The following SHC3 variants were observed in gnomAD, a reference collection of about 807,000 sequenced individuals.
SHC3 encodes SHC-transforming protein 3.
In SHC3, 15 loss-of-function variants were observed where a neutral mutation model predicts 60.4. The ratio of observed to expected loss-of-function variants is 0.25; its 90% CI spans 0.17 to 0.38. The LOEUF is 0.38. Ranked by LOEUF, SHC3 falls within the 10% of genes least tolerant of loss-of-function variation. The pLI is 1.00. For synonymous variants in SHC3, 294 were observed against 325.9 expected, an observed-to-expected ratio of 0.90 and a Z score of 1.05; for missense variants, 677 against 786.1, an observed-to-expected ratio of 0.86 and a Z score of 1.66.
chr9:89,126,430 T>G (rs1388454825), intron 1 of SHC3, among the ~76,000 whole-genome samples: 1 of 152,204 alleles, frequency 6.6e-6, no homozygotes, highest in Non-Finnish European at 1.5e-5. Context: ...TTAATTAATC[T>G]GCCTTGCACT....
chr9:89,112,129 T>C (rs1482646949), intron 2 of SHC3, among the ~76,000 whole-genome samples: 1 of 152,218 alleles, frequency 6.6e-6, no homozygotes, highest in Admixed American at 6.5e-5. Context: ...CTCCCATGGC[T>C]GTTTCTGCTT....
At chr9:89,044,759 A>C (rs1282360656) in intron 9 of SHC3, among the ~76,000 whole-genome samples, 2 of 152,274 alleles carry the variant, frequency 1.3e-5, no homozygotes, top group Non-Finnish European at 2.9e-5. Context: ...TATCTAAATT[A>C]TGATGGCTGT....
At chr9:89,063,179 G>C (rs1187392947) in intron 6 of SHC3, among the ~76,000 whole-genome samples, 2 of 152,202 alleles carry the variant, frequency 1.3e-5, no homozygotes, top group Non-Finnish European at 2.9e-5. Context: ...CGCCAGGCTG[G>C]AGTGCAGTGG....
intron 1 of SHC3, among the ~76,000 whole-genome samples, chr9:89,129,632 C>T (rs1412506685): frequency 4.6e-5 from 7 of 152,116 alleles, no homozygotes; most frequent in Non-Finnish European, 8.8e-5. Context: ...GATTTTCAAC[C>T]CCGAATTTCA....
chr9:89,073,535 C>T lies in SHC3; in HGVS notation c.729+1574G>A, dbSNP rs569795594. On this transcript the variant is annotated intron_variant, in intron 4 of 11. Coordinates refer to ENST00000375835, the MANE Select transcript of SHC3 (RefSeq NM_016848.6). Reference sequence around the variant, plus strand: ...GTCAGCTGGAAGGGAGAGTCAGAACCCTGTGTGCTTGCCCCCCACCCAACC... The same window carrying T: ...GTCAGCTGGAAGGGAGAGTCAGAACTCTGTGTGCTTGCCCCCCACCCAACC... Among the ~76,000 whole-genome samples the T allele has an allele frequency of 2.6e-5, 4 of 152,214 alleles. No individual in the cohort carries two copies. In the East Asian group the frequency reaches 7.7e-4, roughly 29 times the overall value.
At chr9:89,140,432 C>T (rs976878422) in intron 1 of SHC3, among the ~76,000 whole-genome samples, 2 of 149,554 alleles carry the variant, frequency 1.3e-5, no homozygotes, top group African/African-American at 2.4e-5. Context: ...CTCTCAGTGG[C>T]GGTGGTGGTG....
intron 11 of SHC3, among the ~76,000 whole-genome samples, chr9:89,016,485 C>T (rs776096815): frequency 6.6e-6 from 1 of 151,954 alleles, no homozygotes; most frequent in Admixed American, 6.6e-5. Context: ...AAGAAATAAA[C>T]AATCAGAATA....
At chr9:89,052,247 A>G (rs1824873995) in intron 6 of SHC3, 84 bp from the exon 7 acceptor site, 2 of 1,546,196 alleles carry the variant, frequency 1.3e-6, no homozygotes, top group Non-Finnish European at 1.8e-6. Flanking sequence ...TGCTGAGGAC[A>G]CAGGGACAGA....
At chr9:89,077,356 T>C (rs1210474694) in intron 3 of SHC3, among the ~76,000 whole-genome samples, 4 of 152,236 alleles carry the variant, frequency 2.6e-5, no homozygotes, top group African/African-American at 9.6e-5. Flanking sequence ...GACTCTGTTT[T>C]CACGGGATAT....
At chr9:89,019,112 T>C (rs994545754) in intron 11 of SHC3, among the ~76,000 whole-genome samples, 5 of 151,638 alleles carry the variant, frequency 3.3e-5, no homozygotes, top group African/African-American at 1.2e-4. Flanking sequence ...GCTAACATTA[T>C]ATCTGATACT....
chr9:89,138,230 C>T (rs912220892), intron 1 of SHC3, among the ~76,000 whole-genome samples: 3 of 152,172 alleles, frequency 2.0e-5, no homozygotes, highest in East Asian at 1.9e-4. Flanking sequence ...GAATTTGAGG[C>T]AAGTCCATAG....
In SHC3 at chr9:89,162,030, T is replaced by C. The variant is rs759118041; in HGVS notation, c.474+15957A>G. ...GAATAAAATACCTAGGAATCCAACT[T>C]ACAAGGTATGTGAAGGACCTCTTCA... On this transcript the variant is annotated intron_variant, in intron 1 of 11. Coordinates refer to ENST00000375835, the MANE Select transcript of SHC3 (RefSeq NM_016848.6). Among the ~76,000 whole-genome samples the C allele has an allele frequency of 5.6e-3, 682 of 122,284 alleles. 32 individuals are homozygous for C. Among genetic ancestry groups the C allele is most frequent in the Admixed American group, 9.0e-3 (105 of 11,634 alleles). The allele number at this position is 122,284 out of a possible 152,430, so 80.2% of individuals were successfully genotyped here. A position where few individuals can be genotyped will look rare whatever the true frequency, so the allele number is the denominator to read the frequency against.
intron 1 of SHC3, among the ~76,000 whole-genome samples, chr9:89,143,493 A>C (rs915115715): frequency 6.6e-6 from 1 of 152,070 alleles, no homozygotes; most frequent in Non-Finnish European, 1.5e-5. Flanking sequence ...TATCCAGCCC[A>C]TATTCAAGAT....
At chr9:89,060,273 G>T (rs1170966216) in intron 6 of SHC3, among the ~76,000 whole-genome samples, 7 of 151,052 alleles carry the variant, frequency 4.6e-5, no homozygotes, top group African/African-American at 1.2e-4. Flanking sequence ...AGGACATGGT[G>T]GAGGACAGTG....
chr9:89,029,386 GA>G (rs1278978230), intron 11 of SHC3, among the ~76,000 whole-genome samples: 1 of 151,810 alleles, frequency 6.6e-6, no homozygotes, highest in Non-Finnish European at 1.5e-5. Flanking sequence ...AAAATTTATA[GA>G]AAAAAATAAC....
chr9:89,161,772 T>A (rs1216976036), intron 1 of SHC3, among the ~76,000 whole-genome samples: 2 of 148,822 alleles, frequency 1.3e-5, no homozygotes, highest in African/African-American at 5.0e-5. Flanking sequence ...AAATAAAGGG[T>A]ATTCAATTAG....
At chr9:89,108,031 C>T (rs1467440731) in intron 2 of SHC3, among the ~76,000 whole-genome samples, 3 of 152,114 alleles carry the variant, frequency 2.0e-5, no homozygotes, top group African/African-American at 7.2e-5. Context: ...ATGACAGATA[C>T]ACAAATACTT....
At chr9:89,051,034 C>T (rs542972992) in intron 7 of SHC3, among the ~76,000 whole-genome samples, 29 of 151,882 alleles carry the variant, frequency 1.9e-4, no homozygotes, top group African/African-American at 2.4e-4. Flanking sequence ...ATGTCTTAAA[C>T]GGAATTTTCC....
intron 11 of SHC3, 147 bp downstream of exon 11, chr9:89,037,846 G>A (rs1824607632): frequency 9.6e-7 from 1 of 1,043,924 alleles, no homozygotes; most frequent in Non-Finnish European, 1.4e-6. Context: ...GATGACAGGA[G>A]TTGTCTGTCC....
Sources: allele counts gnomAD v4.1 joint callset (sites outside exome capture counted in the v4.1 genomes callset), GRCh38; gene constraint gnomAD v4.1.1; transcripts MANE v1.5; gene names NCBI Gene and HGNC (gene_info 2026-07-23, HGNC 2026-07-21).